The following ELP4 variants were observed in gnomAD, a reference collection of about 807,000 sequenced individuals.
The protein encoded by ELP4 is elongator complex protein 4.
In ELP4, 51 loss-of-function variants were observed where a neutral mutation model predicts 48.9. That is an observed-to-expected ratio of 1.04 (90% CI 0.83 to 1.32). ELP4 has a LOEUF of 1.32. Ranked by LOEUF, ELP4 falls within the 40% of genes most tolerant of loss-of-function variation. The probability of loss-of-function intolerance (pLI) is 0.00; values close to 1 mark genes in which losing one functional copy is unlikely to be tolerated. For missense variants in ELP4, 519 were observed against 514.6 expected (o/e 1.01, Z -0.08); for synonymous variants, 210 against 189.2 (o/e 1.11, Z -0.90).
chr11:31,571,854 G>A (rs1198263854), intron 3 of ELP4, among the ~76,000 whole-genome samples: 3 of 152,094 alleles, frequency 2.0e-5, no homozygotes, highest in East Asian at 1.9e-4. Flanking sequence ...TAAAATATTC[G>A]GAAAACCATG....
chr11:31,616,878 T>G (rs1486760990), intron 5 of ELP4, among the ~76,000 whole-genome samples: 2 of 151,980 alleles, frequency 1.3e-5, no homozygotes, highest in African/African-American at 2.4e-5. Flanking sequence ...CCCTCACATC[T>G]GTTAGGATAA....
chr11:31,543,512 G>A (rs938641730), intron 3 of ELP4, among the ~76,000 whole-genome samples: 16 of 152,106 alleles, frequency 1.1e-4, no homozygotes, highest in Non-Finnish European at 2.2e-4. Context: ...GTAGAGACGG[G>A]GTTTCACCGT....
intron 3 of ELP4, among the ~76,000 whole-genome samples, chr11:31,584,073 T>C (rs1957434201): frequency 6.6e-6 from 1 of 152,150 alleles, no homozygotes; most frequent in African/African-American, 2.4e-5. Context: ...CATAAAATGT[T>C]TTAATTGGTA....
chr11:31,635,041 A>G (rs2134050594), intron 7 of ELP4, among the ~76,000 whole-genome samples: 1 of 152,132 alleles, frequency 6.6e-6, no homozygotes, highest in East Asian at 1.9e-4. Context: ...TTGCTCTTTG[A>G]ACATAATGTC....
At chr11:31,513,493 C>CT (rs1429976866) in intron 1 of ELP4, among the ~76,000 whole-genome samples, 1 of 152,128 alleles carries the variant, frequency 6.6e-6, no homozygotes, top group Non-Finnish European at 1.5e-5. Flanking sequence ...CCCAGAAATA[C>CT]TTTTTTGTAA....
chr11:31,783,572 A>G lies in ELP4; in HGVS notation c.*48A>G, dbSNP rs1948428549. 1.3e-6 allele frequency: 2 copies of G among 1,554,824 alleles called. No individual in the cohort carries two copies. The highest frequency in any genetic ancestry group is 1.8e-5 in the Admixed American group (1 of 55,956). Reference sequence around the variant, plus strand: ...TGCAGAATTCTATGACACTCTAATTATGATTGCTAATAGCTTATGTAAATA... The same window carrying G: ...TGCAGAATTCTATGACACTCTAATTGTGATTGCTAATAGCTTATGTAAATA... On this transcript the variant is annotated 3_prime_UTR_variant, in exon 10 of 10. Coordinates refer to ENST00000640961, the MANE Select transcript of ELP4 (RefSeq NM_019040.5).
intron 3 of ELP4, among the ~76,000 whole-genome samples, chr11:31,575,447 A>G (rs1957259185): frequency 6.6e-6 from 1 of 152,150 alleles, no homozygotes; most frequent in East Asian, 1.9e-4. Context: ...GAACGCCACA[A>G]AGATACTCCT....
At chr11:31,696,000 C>G (rs1472386265) in intron 9 of ELP4, among the ~76,000 whole-genome samples, 2 of 151,692 alleles carry the variant, frequency 1.3e-5, no homozygotes, top group Middle Eastern at 3.4e-3. Flanking sequence ...ATTTCTGTGG[C>G]ATTCGTGGTG....
Position 31,616,785 on chromosome 11 carries a change from A to G in ELP4, c.654-10325A>G, listed in dbSNP as rs532202003. 3.3e-5 allele frequency among the ~76,000 whole-genome samples: 5 copies of G among 152,262 alleles called. No individual in the cohort carries two copies. The South Asian group carries it at 1.0e-3, about 32-fold the overall frequency. ...GACTTGAATAGACATTTCTCCAAAGATGATATACAGAAGGCTAACAAGCAT... is the reference window on the plus strand; with the variant it reads ...GACTTGAATAGACATTTCTCCAAAGGTGATATACAGAAGGCTAACAAGCAT... On this transcript the variant is annotated intron_variant, in intron 5 of 9. Coordinates refer to ENST00000640961, the MANE Select transcript of ELP4 (RefSeq NM_019040.5).
chr11:31,602,907 T>A (rs576030185), intron 4 of ELP4, among the ~76,000 whole-genome samples: 1 of 151,916 alleles, frequency 6.6e-6, no homozygotes, highest in Non-Finnish European at 1.5e-5. Flanking sequence ...AGTTCAATTT[T>A]GGATAGTGAT....
chr11:31,772,120 C>CT (rs11406554), intron 9 of ELP4, among the ~76,000 whole-genome samples: 84,072 of 132,150 alleles, frequency 0.64, 27,098 homozygotes, highest in Middle Eastern at 0.69. Flanking sequence ...TTATTTTCTT[C>CT]TTTTTTTTTT....
At chr11:31,614,663 G>T (rs1426443136) in intron 5 of ELP4, among the ~76,000 whole-genome samples, 1 of 152,070 alleles carries the variant, frequency 6.6e-6, no homozygotes, top group East Asian at 1.9e-4. Flanking sequence ...CCAGTAGTGG[G>T]GATGATCAAA....
chr11:31,634,871 T>G (rs771890031), intron 7 of ELP4, among the ~76,000 whole-genome samples: 6 of 151,936 alleles, frequency 3.9e-5, no homozygotes, highest in Admixed American at 6.6e-5. Flanking sequence ...TTAAGACATA[T>G]TCCTCAAAAC....
At chr11:31,675,480 C>T (rs1218499626) in intron 9 of ELP4, among the ~76,000 whole-genome samples, 1 of 151,966 alleles carries the variant, frequency 6.6e-6, no homozygotes, top group East Asian at 1.9e-4. Context: ...AGGCTGGTCT[C>T]GAACTCCTGA....
intron 5 of ELP4, among the ~76,000 whole-genome samples, chr11:31,607,164 G>A (rs1008676779): frequency 3.3e-5 from 5 of 152,186 alleles, no homozygotes; most frequent in African/African-American, 1.2e-4. Context: ...AACTCTGCTG[G>A]CATGTTGATC....
intron 9 of ELP4, among the ~76,000 whole-genome samples, chr11:31,698,839 G>A (rs1344778605): frequency 6.6e-6 from 1 of 152,074 alleles, no homozygotes; most frequent in East Asian, 1.9e-4. Context: ...GATCTTACAA[G>A]ACTAAGGCTA....
chr11:31,612,997 G>T (rs1039211856), intron 5 of ELP4, among the ~76,000 whole-genome samples: 5 of 152,162 alleles, frequency 3.3e-5, no homozygotes, highest in Non-Finnish European at 7.4e-5. Flanking sequence ...TATTTGGTTA[G>T]GCTCAAGTGT....
At chr11:31,517,207 A>G (rs573502756) in intron 1 of ELP4, among the ~76,000 whole-genome samples, 1 of 151,546 alleles carries the variant, frequency 6.6e-6, no homozygotes, top group South Asian at 2.1e-4. Flanking sequence ...TTTTTGAGAC[A>G]GAGTCTTGCT....
At chr11:31,529,523 C>T (rs552800919) in intron 2 of ELP4, among the ~76,000 whole-genome samples, 39 of 152,270 alleles carry the variant, frequency 2.6e-4, no homozygotes, top group Non-Finnish European at 4.4e-4. Flanking sequence ...TTTCAAGAAG[C>T]AGAACTTGAC....
Sources: allele counts gnomAD v4.1 joint callset (sites outside exome capture counted in the v4.1 genomes callset), GRCh38; gene constraint gnomAD v4.1.1; transcripts MANE v1.5; gene names NCBI Gene and HGNC (gene_info 2026-07-23, HGNC 2026-07-21).